PAPPA: variants seen among roughly 807,000 people sequenced by gnomAD.
PAPPA encodes pappalysin 1.
A neutral mutation model predicts 164.0 loss-of-function variants in PAPPA; 60 were observed. The ratio of observed to expected loss-of-function variants is 0.37; its 90% CI spans 0.30 to 0.45. The LOEUF (loss-of-function observed/expected upper bound fraction) is 0.45, where lower values mean the gene tolerates loss of function less well. Among genes scored for constraint, PAPPA ranks in the 20% least tolerant of loss-of-function variants. The probability of loss-of-function intolerance (pLI) is 1.00; values close to 1 mark genes in which losing one functional copy is unlikely to be tolerated. For missense variants in PAPPA, 1,782 were observed against 2,087.3 expected, an observed-to-expected ratio of 0.85 and a Z score of 2.85; for synonymous variants, 875 against 814.1, an observed-to-expected ratio of 1.07 and a Z score of -1.27.
At chr9:116,242,176 C>T (rs941285615) in intron 7 of PAPPA, among the ~76,000 whole-genome samples, 4 of 151,820 alleles carry the variant, frequency 2.6e-5, no homozygotes, top group Non-Finnish European at 4.4e-5. Flanking sequence ...GCACGGGGGG[C>T]AGGGGGGCTG....
At chr9:116,231,738 A>T (rs1844597251) in intron 6 of PAPPA, among the ~76,000 whole-genome samples, 2 of 121,924 alleles carry the variant, frequency 1.6e-5, no homozygotes, top group African/African-American at 3.1e-5. Flanking sequence ...GTGTCTCTAA[A>T]CAGTGGTTTT....
At chr9:116,320,537 C>G (rs1278718451) in intron 10 of PAPPA, among the ~76,000 whole-genome samples, 2 of 152,182 alleles carry the variant, frequency 1.3e-5, no homozygotes, top group African/African-American at 4.8e-5. Flanking sequence ...TCTGTCTATG[C>G]CGAATAATAA....
chr9:116,237,281 T>C (rs2118749704), intron 7 of PAPPA, among the ~76,000 whole-genome samples: 1 of 152,316 alleles, frequency 6.6e-6, no homozygotes, highest in East Asian at 1.9e-4. Flanking sequence ...GAGCACTTGG[T>C]TTGTGTTTGA....
chr9:116,233,054 A>G (rs565694172), intron 6 of PAPPA, among the ~76,000 whole-genome samples: 1 of 152,332 alleles, frequency 6.6e-6, no homozygotes. Context: ...TTCACCTGGC[A>G]CCCACCATCA....
chr9:116,277,573 T>A (rs1845214898), intron 9 of PAPPA, among the ~76,000 whole-genome samples: 2 of 152,204 alleles, frequency 1.3e-5, no homozygotes, highest in Admixed American at 1.3e-4. Flanking sequence ...GAAAAACAAG[T>A]TTATTTTTGT....
intron 7 of PAPPA, among the ~76,000 whole-genome samples, chr9:116,259,487 G>T (rs961950369): frequency 6.6e-6 from 1 of 152,088 alleles, no homozygotes; most frequent in Non-Finnish European, 1.5e-5. Flanking sequence ...TAGGCAAAAA[G>T]ATGAACAAAC....
chr9:116,378,309 G>C (rs1310455903), intron 20 of PAPPA, among the ~76,000 whole-genome samples: 1 of 152,138 alleles, frequency 6.6e-6, no homozygotes, highest in Non-Finnish European at 1.5e-5. Flanking sequence ...CATGGTTCTT[G>C]GGAGATCAGC....
chr9:116,212,012 C>T (rs770960000), intron 4 of PAPPA, 80 bp downstream of exon 4: 80 of 1,245,068 alleles, frequency 6.4e-5, no homozygotes, highest in Admixed American at 2.8e-4. Context: ...GAACCTTGAA[C>T]AAGCTACTTA....
chr9:116,193,418 A>AAT (rs1283430573), intron 2 of PAPPA, among the ~76,000 whole-genome samples: 1 of 151,978 alleles, frequency 6.6e-6, no homozygotes, highest in Non-Finnish European at 1.5e-5. Context: ...CTTCCTTTTC[A>AAT]ATCTGAATGA....
Position 116,371,330 on chromosome 9 carries a change from T to C in PAPPA, c.4605+3576T>C, listed in dbSNP as rs376878388. On this transcript the variant is annotated intron_variant, in intron 19 of 21. Transcript: ENST00000328252. Reference sequence around the variant, plus strand: ...TACTCGGGAAGCTGAGACAGGAGAATCGCTTGAACCCAGGAGGCGGAGGTT... The same window carrying C: ...TACTCGGGAAGCTGAGACAGGAGAACCGCTTGAACCCAGGAGGCGGAGGTT... 2.0e-5 allele frequency among the ~76,000 whole-genome samples: 3 copies of C among 152,268 alleles called. No individual in the cohort carries two copies. In the East Asian group the frequency reaches 5.8e-4, roughly 29 times the overall value.
Position 116,344,540 on chromosome 9 carries a change from C to A in PAPPA, c.3612-3C>A. ...TTCTTCCCCTCGTTTCTTTCCTCCC[C>A]AGCTGCGTGCACTTCGCATGTGAGA... On this transcript the variant is annotated splice_region_variant and splice_polypyrimidine_tract_variant and intron_variant, in intron 13 of 21. Transcript: ENST00000328252. 1 of 1,609,724 alleles carries A rather than the reference C, an allele frequency of 6.2e-7. No individual in the cohort carries two copies. Among genetic ancestry groups the A allele is most frequent in the Non-Finnish European group, 8.5e-7 (1 of 1,176,330 alleles).
intron 3 of PAPPA, among the ~76,000 whole-genome samples, chr9:116,210,837 T>C: frequency 6.6e-6 from 1 of 152,238 alleles, no homozygotes; most frequent in Admixed American, 6.5e-5. Flanking sequence ...TCTCAGGTGA[T>C]GATCATGCTG....
At chr9:116,219,406 A>G (rs1844414657) in intron 4 of PAPPA, among the ~76,000 whole-genome samples, 1 of 152,242 alleles carries the variant, frequency 6.6e-6, no homozygotes, top group South Asian at 2.1e-4. Context: ...TTTGAAGGGT[A>G]ATATCAGCAC....
In PAPPA at chr9:116,398,739, T is replaced by C; in HGVS notation, c.*2123T>C. On this transcript the variant is annotated 3_prime_UTR_variant, in exon 22 of 22. Transcript: ENST00000328252. ...TCCATATTGGCAAGGCTGCCACAGT[T>C]GTTAAGAATAATCCTCTATGTTTCT... 8.8e-6 allele frequency: 4 copies of C among 456,154 alleles called. No individual in the cohort carries two copies. The highest frequency in any genetic ancestry group is 1.8e-5 in the Non-Finnish European group (4 of 227,156). The allele number at this position is 456,154 out of a possible 1,614,324, so 28.3% of individuals were successfully genotyped here.
intron 1 of PAPPA, among the ~76,000 whole-genome samples, chr9:116,173,073 G>A (rs1235905390): frequency 2.0e-5 from 3 of 152,112 alleles, no homozygotes; most frequent in Non-Finnish European, 4.4e-5. Context: ...GAGACAAAAG[G>A]TAGATGACAT....
At chr9:116,288,441 C>CCCTG (rs1455907591) in intron 9 of PAPPA, among the ~76,000 whole-genome samples, 8,387 of 136,046 alleles carry the variant, frequency 0.062, 349 homozygotes, top group Non-Finnish European at 0.085. Flanking sequence ...CTCCCTCCCT[C>CCCTG]CCTCCCTTCC....
intron 12 of PAPPA, among the ~76,000 whole-genome samples, chr9:116,334,592 A>T (rs1258339107): frequency 2.0e-5 from 3 of 150,424 alleles, no homozygotes; most frequent in African/African-American, 7.3e-5. Context: ...AGGGGTGGCC[A>T]TTTGGGGGAG....
chr9:116,188,291 T>G, intron 2 of PAPPA, 75 bp downstream of exon 2: 2 of 1,075,086 alleles, frequency 1.9e-6, no homozygotes, highest in South Asian at 3.2e-5. Context: ...ATAAGGCACC[T>G]GAGGCCAGTG....
chr9:116,269,620 T>C (rs1845114682), intron 8 of PAPPA, among the ~76,000 whole-genome samples: 1 of 152,318 alleles, frequency 6.6e-6, no homozygotes, highest in Admixed American at 6.5e-5. Context: ...GCAGAACTTC[T>C]TTATCTAATG....
Sources: allele counts gnomAD v4.1 joint callset (sites outside exome capture counted in the v4.1 genomes callset), GRCh38; gene constraint gnomAD v4.1.1; transcripts MANE v1.5; gene names NCBI Gene and HGNC (gene_info 2026-07-23, HGNC 2026-07-21).